CLCN4: variants seen among roughly 807,000 people sequenced by gnomAD.
CLCN4 encodes the protein Cl-/H+ antiporter 4, also known as H(+)/Cl(-) exchange transporter 4.
In CLCN4, 1 loss-of-function variant was observed where a neutral mutation model predicts 41.7. The ratio of observed to expected loss-of-function variants is 0.02; its 90% CI spans 0.01 to 0.11. CLCN4 has a LOEUF of 0.11. CLCN4 is among the 10% of genes least tolerant of loss of function. The pLI is 1.00. For synonymous variants in CLCN4, 277 were observed against 285.8 expected, an observed-to-expected ratio of 0.97 and a Z score of 0.31; for missense variants, 287 against 661.0, an observed-to-expected ratio of 0.43 and a Z score of 6.20.
chrX:10,186,228 T>C (rs1322728154), intron 3 of CLCN4, among the ~76,000 whole-genome samples: 2 of 110,915 alleles, frequency 1.8e-5, no homozygotes, highest in Non-Finnish European at 3.8e-5. Flanking sequence ...GAGAACTCTG[T>C]GGTTCAAGGG....
intron 2 of CLCN4, among the ~76,000 whole-genome samples, chrX:10,176,453 G>A (rs1348897130): frequency 8.9e-6 from 1 of 112,702 alleles, no homozygotes; most frequent in Non-Finnish European, 1.9e-5. Flanking sequence ...TATGGCCCGC[G>A]AAGCTGAAAA....
Position 10,185,744 on chromosome X carries a change from T to A in CLCN4, c.144+568T>A, listed in dbSNP as rs747898758. On this transcript the variant is annotated intron_variant, in intron 3 of 12. Coordinates refer to ENST00000380833, the MANE Select transcript of CLCN4 (RefSeq NM_001830.4). ...GTCACAGAGGCATGAAAGAATCTGA[T>A]GTATCTGGGCAATTCAGGGAGCTCC... Among the ~76,000 whole-genome samples, 3 of 111,417 alleles carry A rather than the reference T, an allele frequency of 2.7e-5. No individual in the cohort carries two copies. The East Asian group carries it at 8.5e-4, about 32-fold the overall frequency.
At chrX:10,204,402 G>C (rs960669207) in intron 6 of CLCN4, among the ~76,000 whole-genome samples, 3 of 111,686 alleles carry the variant, frequency 2.7e-5, no homozygotes, top group Non-Finnish European at 3.8e-5. Flanking sequence ...TCATTGGAAT[G>C]TTGAGCGTCT....
intron 6 of CLCN4, among the ~76,000 whole-genome samples, chrX:10,200,497 C>T (rs991327644): frequency 2.7e-5 from 3 of 112,351 alleles, no homozygotes; most frequent in Non-Finnish European, 5.6e-5. Context: ...CAGTAAGAGG[C>T]ACACTGGGTA....
At chrX:10,224,444 C>T (rs1924939271) in intron 12 of CLCN4, among the ~76,000 whole-genome samples, 1 of 104,869 alleles carries the variant, frequency 9.5e-6, no homozygotes, top group Non-Finnish European at 1.9e-5. Context: ...TCTATTTTAG[C>T]TGGGAACTGT....
At position 10,220,746 on chromosome X, in the gene CLCN4, C is replaced by T; in HGVS notation, c.2061C>T (p.Ser687=). 8.3e-7 allele frequency: 1 copy of T among 1,211,518 alleles called. No individual in the cohort carries two copies. The highest frequency in any genetic ancestry group is 1.1e-6 in the Non-Finnish European group (1 of 895,166). The change falls in exon 12 of 13, where the codon AGC becomes AGT. Residue 687 remains serine, a synonymous_variant. Coordinates refer to ENST00000380833, the MANE Select transcript of CLCN4 (RefSeq NM_001830.4). ...TEEPPELPAN[S]PHPLKLRRIL... ...AACCCCCCGAGCTGCCGGCCAACAG[C>T]CCACATCCCCTGAAGCTGCGGCGCA...
intron 2 of CLCN4, among the ~76,000 whole-genome samples, chrX:10,159,350 C>A (rs1339072349): frequency 3.6e-5 from 4 of 111,370 alleles, no homozygotes; most frequent in Non-Finnish European, 7.5e-5. Context: ...AATTCGCTTG[C>A]TGAATGGAGA....
chrX:10,194,983 C>A lies in CLCN4; in HGVS notation c.317C>A (p.Ala106Asp). Residue 106 changes from alanine to aspartate, a missense_variant, in exon 5 of 13, where the codon GCC becomes GAC. Physicochemically the swap from Ala to Asp is moderately radical, Grantham distance 126. This residue lies in a region of CLCN4 where 90 missense variants were observed against 209.8 expected (regional missense o/e 0.43). Transcript: ENST00000380833. ...CTGAAGGAGGGGGTCTGCCTGTCTG[C>A]CTTCTGGTATAGCCATGAGCAGTGT... ...TDLKEGVCLS[A>D]FWYSHEQCCW... 9 of 1,211,460 alleles carry A rather than the reference C, an allele frequency of 7.4e-6. No homozygotes were observed. Among genetic ancestry groups the A allele is most frequent in the African/African-American group, 1.7e-5 (1 of 57,764 alleles).
intron 9 of CLCN4, among the ~76,000 whole-genome samples, chrX:10,209,281 C>CTCCT (rs1254081938): frequency 3.4e-5 from 3 of 89,149 alleles, no homozygotes; most frequent in African/African-American, 1.3e-4. Context: ...CCCTCCCTCC[C>CTCCT]TCCCTCCCTC....
At position 10,195,814 on chromosome X, in the gene CLCN4, A is replaced by G. The variant is rs112142175; in HGVS notation, c.432+716A>G. ...CCAGACTTCTTCCTATTGTAGCATG[A>G]ACCATTACTTCATTTTTTTATGGCC... On this transcript the variant is annotated intron_variant, in intron 5 of 12. Transcript: ENST00000380833. Among the ~76,000 whole-genome samples, 1,058 of 112,617 alleles carry G rather than the reference A, an allele frequency of 9.4e-3. 7 individuals carry two copies. The highest frequency in any genetic ancestry group is 0.022 in the Admixed American group (234 of 10,647).
At chrX:10,186,356 C>T (rs1923811089) in intron 3 of CLCN4, among the ~76,000 whole-genome samples, 1 of 111,181 alleles carries the variant, frequency 9.0e-6, no homozygotes. Flanking sequence ...GTCAAATCCC[C>T]AGGCAGTGCC....
In CLCN4 at chrX:10,212,671, G is replaced by T; in HGVS notation, c.1576+18G>T. 2 of 1,186,046 alleles carry T rather than the reference G, an allele frequency of 1.7e-6. No homozygotes were observed. The highest frequency in any genetic ancestry group is 2.3e-6 in the Non-Finnish European group (2 of 876,186). ...CTGCCTCGGTACGACCATGGGTGGGGCAGGGAGGGGGACCGGGGAACTAAT... is the reference window on the plus strand; with the variant it reads ...CTGCCTCGGTACGACCATGGGTGGGTCAGGGAGGGGGACCGGGGAACTAAT... On this transcript the variant is annotated intron_variant, in intron 10 of 12. Coordinates refer to ENST00000380833, the MANE Select transcript of CLCN4 (RefSeq NM_001830.4).
At chrX:10,214,183 G>C in intron 11 of CLCN4, 104 bp downstream of exon 11, 1 of 881,875 alleles carries the variant, frequency 1.1e-6, no homozygotes, top group Admixed American at 4.2e-5. Flanking sequence ...TTAAGCCAGG[G>C]GCTCTCAAGC....
At chrX:10,219,027 T>A (rs750132590) in intron 11 of CLCN4, among the ~76,000 whole-genome samples, 2 of 112,888 alleles carry the variant, frequency 1.8e-5, no homozygotes, top group African/African-American at 3.2e-5. Flanking sequence ...GTGTTAGGCA[T>A]TGTCCAGGCA....
intron 12 of CLCN4, among the ~76,000 whole-genome samples, chrX:10,231,296 A>G (rs1415355043): frequency 8.9e-6 from 1 of 111,969 alleles, no homozygotes; most frequent in African/African-American, 3.2e-5. Context: ...TTTGGCAATT[A>G]TGAATGAAGC....
chrX:10,174,046 C>A (rs1342059315), intron 2 of CLCN4, among the ~76,000 whole-genome samples: 1 of 112,192 alleles, frequency 8.9e-6, no homozygotes, highest in Non-Finnish European at 1.9e-5. Flanking sequence ...GAGGTGATAA[C>A]CAAGAATGTC....
intron 11 of CLCN4, among the ~76,000 whole-genome samples, chrX:10,216,895 G>GTTTATATATATATATATATATATA (rs1277215208): frequency 4.8e-4 from 1 of 2,096 alleles, no homozygotes; most frequent in Non-Finnish European, 1.5e-3. Flanking sequence ...GTGTGTGTGT[G>GTTTATATATATATATATATATATA]TGTATATATA....
At chrX:10,210,879 C>G (rs1043206528) in intron 9 of CLCN4, among the ~76,000 whole-genome samples, 1 of 107,948 alleles carries the variant, frequency 9.3e-6, no homozygotes, top group Non-Finnish European at 1.9e-5. Context: ...AACTCCTGGG[C>G]TCAAGTGATC....
chrX:10,215,305 C>T (rs1924675668), intron 11 of CLCN4, among the ~76,000 whole-genome samples: 1 of 111,991 alleles, frequency 8.9e-6, no homozygotes, highest in South Asian at 3.7e-4. Context: ...TTTAAAATAT[C>T]TTTAAGGCAT....
Sources: allele counts gnomAD v4.1 joint callset (sites outside exome capture counted in the v4.1 genomes callset), GRCh38; gene constraint gnomAD v4.1.1; regional missense constraint gnomAD v4.1.1; transcripts MANE v1.5; gene names NCBI Gene and HGNC (gene_info 2026-07-23, HGNC 2026-07-21).